LRMDA: variants seen among roughly 807,000 people sequenced by gnomAD.
LRMDA encodes leucine-rich melanocyte differentiation-associated protein.
A neutral mutation model predicts 29.8 loss-of-function variants in LRMDA; 18 were observed. The observed-to-expected ratio is 0.60, with a 90% CI of 0.42 to 0.90. LRMDA has a LOEUF of 0.90. Among genes scored for constraint, LRMDA ranks in the 40% least tolerant of loss-of-function variants. The probability of loss-of-function intolerance (pLI) is 0.00; values close to 1 mark genes in which losing one functional copy is unlikely to be tolerated. For missense variants in LRMDA, 273 were observed against 273.9 expected (o/e 1.00, Z 0.02); for synonymous variants, 125 against 109.4 (o/e 1.14, Z -0.89).
chr10:75,889,719 G>A (rs1351209449), intron 2 of LRMDA, among the ~76,000 whole-genome samples: 2 of 152,214 alleles, frequency 1.3e-5, no homozygotes, highest in East Asian at 3.9e-4. Context: ...AAGTCACTCA[G>A]CAGTTAGTTA....
At chr10:75,463,830 G>T (rs1345528022) in intron 2 of LRMDA, among the ~76,000 whole-genome samples, 2 of 152,078 alleles carry the variant, frequency 1.3e-5, no homozygotes, top group Non-Finnish European at 2.9e-5. Flanking sequence ...ACCAGGTTCG[G>T]CTAATTTTGT....
chr10:75,536,266 G>A (rs1386771157), intron 2 of LRMDA, among the ~76,000 whole-genome samples: 1 of 151,776 alleles, frequency 6.6e-6, no homozygotes, highest in Non-Finnish European at 1.5e-5. Flanking sequence ...TGTACTCGGG[G>A]TCCATTCCAT....
intron 2 of LRMDA, among the ~76,000 whole-genome samples, chr10:75,996,756 G>A (rs1847470438): frequency 6.8e-6 from 1 of 147,696 alleles, no homozygotes; most frequent in South Asian, 2.1e-4. Context: ...TTTTTGAGAC[G>A]GAGTCTCGGT....
intron 2 of LRMDA, among the ~76,000 whole-genome samples, chr10:75,868,626 T>C (rs1406248721): frequency 6.6e-6 from 1 of 152,192 alleles, no homozygotes; most frequent in Non-Finnish European, 1.5e-5. Context: ...ATACTCTTGT[T>C]TTTTCACTTT....
At chr10:76,372,760 T>C (rs914840575) in intron 6 of LRMDA, among the ~76,000 whole-genome samples, 28 of 152,120 alleles carry the variant, frequency 1.8e-4, no homozygotes, top group Non-Finnish European at 2.6e-4. Flanking sequence ...GTCTTAGACA[T>C]CTCCTTTGCA....
chr10:76,503,286 C>A (rs1046023844), intron 6 of LRMDA, among the ~76,000 whole-genome samples: 1 of 151,436 alleles, frequency 6.6e-6, no homozygotes, highest in Non-Finnish European at 1.5e-5. Flanking sequence ...GTTGATTCAC[C>A]AAGATCAAGT....
chr10:76,135,691 G>T (rs925133718), intron 5 of LRMDA, among the ~76,000 whole-genome samples: 1 of 151,754 alleles, frequency 6.6e-6, no homozygotes, highest in Non-Finnish European at 1.5e-5. Flanking sequence ...GGTGCTCCTT[G>T]ACTTGTAGAT....
intron 2 of LRMDA, among the ~76,000 whole-genome samples, chr10:75,469,439 C>T (rs1844699998): frequency 6.6e-6 from 1 of 152,058 alleles, no homozygotes; most frequent in African/African-American, 2.4e-5. Context: ...GAACCTAGAG[C>T]GTGTGCTGCT....
chr10:76,212,594 A>G (rs1851656577), intron 5 of LRMDA, among the ~76,000 whole-genome samples: 1 of 152,214 alleles, frequency 6.6e-6, no homozygotes, highest in Admixed American at 6.5e-5. Flanking sequence ...AACTAATGAT[A>G]ATTTCAGCCA....
intron 2 of LRMDA, among the ~76,000 whole-genome samples, chr10:75,754,931 GA>G (rs1843012862): frequency 6.6e-6 from 1 of 152,058 alleles, no homozygotes; most frequent in Non-Finnish European, 1.5e-5. Flanking sequence ...ATTTCCTATG[GA>G]AAACAGTCTT....
intron 5 of LRMDA, among the ~76,000 whole-genome samples, chr10:76,196,593 G>A (rs1851335414): frequency 6.6e-6 from 1 of 152,202 alleles, no homozygotes; most frequent in South Asian, 2.1e-4. Flanking sequence ...AGTTATTATA[G>A]AACAGGACAG....
chr10:75,447,997 G>T (rs1389069258), intron 2 of LRMDA, among the ~76,000 whole-genome samples: 1 of 152,126 alleles, frequency 6.6e-6, no homozygotes, highest in Non-Finnish European at 1.5e-5. Flanking sequence ...CCTCCCTAAG[G>T]CTTCCTGACT....
At chr10:75,799,905 C>T (rs180827553) in intron 2 of LRMDA, among the ~76,000 whole-genome samples, 48 of 152,174 alleles carry the variant, frequency 3.2e-4, no homozygotes, top group Admixed American at 2.4e-3. Context: ...ATTATTCTCA[C>T]CCCGATTACA....
In LRMDA at chr10:75,882,619, C is replaced by T. The variant is rs539926982; in HGVS notation, c.132-153389C>T. 3 of 152,294 alleles carry T rather than the reference C, an allele frequency of 2.0e-5. No homozygotes were observed. The South Asian group carries it at 6.2e-4, about 32-fold the overall frequency. 9.4% of individuals were successfully genotyped at this position (152,294 alleles called of 1,614,324 possible). ...CTGATGAATCAGAGGTGACATCCAG[C>T]TCTCAGGAATGCAAAACAATGTTTT... On this transcript the variant is annotated intron_variant, in intron 2 of 6. Coordinates refer to ENST00000611255, the MANE Select transcript of LRMDA (RefSeq NM_001305581.2).
At chr10:76,409,566 T>A (rs1039683125) in intron 6 of LRMDA, among the ~76,000 whole-genome samples, 2 of 152,208 alleles carry the variant, frequency 1.3e-5, no homozygotes, top group African/African-American at 4.8e-5. Flanking sequence ...TCTAGCCTTT[T>A]TTTAGTGCAT....
intron 2 of LRMDA, among the ~76,000 whole-genome samples, chr10:75,611,641 A>T (rs1230876603): frequency 6.6e-6 from 1 of 152,108 alleles, no homozygotes; most frequent in South Asian, 2.1e-4. Context: ...TCCTTTTGTG[A>T]CTGGCTTACT....
chr10:75,953,766 T>C (rs1335780241), intron 2 of LRMDA, among the ~76,000 whole-genome samples: 1 of 152,158 alleles, frequency 6.6e-6, no homozygotes, highest in African/African-American at 2.4e-5. Flanking sequence ...ACAGGAGGGC[T>C]GGTGTGGTAG....
intron 5 of LRMDA, among the ~76,000 whole-genome samples, chr10:76,144,875 C>T: frequency 6.6e-6 from 1 of 152,040 alleles, no homozygotes. Context: ...CCATCAATAC[C>T]TAATTTATTG....
intron 6 of LRMDA, among the ~76,000 whole-genome samples, chr10:76,343,031 A>G (rs1414905716): frequency 3.3e-5 from 5 of 152,216 alleles, no homozygotes; most frequent in Admixed American, 3.3e-4. Context: ...CTAAGCATAA[A>G]TATTTCTGTC....
Sources: gnomAD v4.1 joint callset for allele counts (sites outside exome capture counted in the v4.1 genomes callset) on GRCh38, gnomAD v4.1.1 for gene constraint, MANE v1.5 for transcripts, NCBI Gene and HGNC (gene_info 2026-07-23, HGNC 2026-07-21) for gene names.